Variants in CALN1 observed in about 807,000 individuals in gnomAD.
CALN1 encodes calcium-binding protein 8.
A neutral mutation model predicts 30.6 loss-of-function variants in CALN1; 17 were observed. That is an observed-to-expected ratio of 0.56 (90% confidence interval 0.38 to 0.83). CALN1 has a LOEUF of 0.83. Ranked by LOEUF, CALN1 falls within the 40% of genes least tolerant of loss-of-function variation. The probability of loss-of-function intolerance (pLI) is 0.00; values close to 1 mark genes in which losing one functional copy is unlikely to be tolerated. For synonymous variants in CALN1, 156 were observed against 131.4 expected (o/e 1.19, Z -1.28); for missense variants, 291 against 354.9 (o/e 0.82, Z 1.45).
intron 2 of CALN1, among the ~76,000 whole-genome samples, chr7:72,293,173 G>C (rs1269961475): frequency 6.6e-6 from 1 of 152,220 alleles, no homozygotes; most frequent in East Asian, 1.9e-4. Flanking sequence ...CTACTAAGTT[G>C]TTGGAAGGGT....
intron 2 of CALN1, among the ~76,000 whole-genome samples, chr7:72,319,735 C>G (rs1455072865): frequency 6.6e-6 from 1 of 152,070 alleles, no homozygotes; most frequent in Admixed American, 6.5e-5. Context: ...AGAGGTAAAT[C>G]TGTGGTGAGG....
chr7:72,423,546 G>C (rs1168266504), intron 1 of CALN1, among the ~76,000 whole-genome samples: 1 of 152,182 alleles, frequency 6.6e-6, no homozygotes, highest in Non-Finnish European at 1.5e-5. Flanking sequence ...GGACACAGCA[G>C]TAATAATAAC....
At chr7:72,299,758 C>T (rs1176771127) in intron 2 of CALN1, among the ~76,000 whole-genome samples, 1 of 143,372 alleles carries the variant, frequency 7.0e-6, no homozygotes, top group Non-Finnish European at 1.5e-5. Flanking sequence ...TGGTTTCAAA[C>T]TCCTGGGTTC....
intron 2 of CALN1, among the ~76,000 whole-genome samples, chr7:72,387,992 ATGT>A (rs1805343847): frequency 6.6e-6 from 1 of 152,090 alleles, no homozygotes; most frequent in Non-Finnish European, 1.5e-5. Flanking sequence ...TAACAATAAC[ATGT>A]TGTATATTTC....
At chr7:72,055,552 C>T (rs1377265763) in intron 4 of CALN1, among the ~76,000 whole-genome samples, 1 of 151,968 alleles carries the variant, frequency 6.6e-6, no homozygotes, top group African/African-American at 2.4e-5. Context: ...GAATAATTAA[C>T]AAATCTAACC....
At chr7:72,329,956 AAAAT>A (rs1044286895) in intron 2 of CALN1, among the ~76,000 whole-genome samples, 4 of 152,016 alleles carry the variant, frequency 2.6e-5, no homozygotes, top group Admixed American at 6.5e-5. Flanking sequence ...TCCGTCTCAA[AAAAT>A]AAATAAATAT....
At chr7:71,947,228 C>A (rs1328716038) in intron 5 of CALN1, among the ~76,000 whole-genome samples, 3 of 152,178 alleles carry the variant, frequency 2.0e-5, no homozygotes, top group Non-Finnish European at 4.4e-5. Flanking sequence ...CCAGGCTGGT[C>A]TCAAACTCCT....
intron 3 of CALN1, among the ~76,000 whole-genome samples, chr7:72,189,694 G>T (rs1320917232): frequency 6.6e-6 from 1 of 151,226 alleles, no homozygotes; most frequent in Admixed American, 6.6e-5. Flanking sequence ...CTTGAATCCA[G>T]GAGGCAGAGG....
At chr7:72,169,410 C>T (rs1273900573) in intron 3 of CALN1, among the ~76,000 whole-genome samples, 1 of 151,916 alleles carries the variant, frequency 6.6e-6, no homozygotes, top group African/African-American at 2.4e-5. Context: ...GCCTCGAGCT[C>T]CTGGGGTCAA....
intron 3 of CALN1, among the ~76,000 whole-genome samples, chr7:72,257,326 T>C (rs533150): frequency 0.011 from 1,635 of 152,256 alleles, 27 homozygotes; most frequent in African/African-American, 0.037. Flanking sequence ...CCAAACCATA[T>C]CACCCCATTT....
chr7:72,356,621 T>C (rs908865986), intron 2 of CALN1, among the ~76,000 whole-genome samples: 2 of 151,896 alleles, frequency 1.3e-5, no homozygotes, highest in African/African-American at 4.9e-5. Flanking sequence ...ATTTCAAAAA[T>C]TGGATACACC....
At chr7:72,230,454 G>T (rs1794015334) in intron 3 of CALN1, among the ~76,000 whole-genome samples, 1 of 151,062 alleles carries the variant, frequency 6.6e-6, no homozygotes, top group Admixed American at 6.6e-5. Flanking sequence ...GCTGCAGTGA[G>T]TCATGATCAC....
chr7:71,967,639 A>AAAAAAAAAAAAAAAAAAG (rs555970609), intron 5 of CALN1, among the ~76,000 whole-genome samples: 1 of 142,654 alleles, frequency 7.0e-6, no homozygotes, highest in African/African-American at 2.7e-5. Flanking sequence ...AAAAAAAAAA[A>AAAAAAAAAAAAAAAAAAG]AAAGAAAGAA....
At chr7:71,985,584 CT>C (rs962922789) in intron 5 of CALN1, among the ~76,000 whole-genome samples, 3,533 of 96,360 alleles carry the variant, frequency 0.037, 73 homozygotes, top group African/African-American at 0.12. Context: ...AGGTAGTTTT[CT>C]TTTTTTTTTT....
chr7:72,409,090 G>C (rs1157364965), intron 1 of CALN1, among the ~76,000 whole-genome samples: 1 of 151,866 alleles, frequency 6.6e-6, no homozygotes, highest in Admixed American at 6.6e-5. Context: ...CCGCCTCCCG[G>C]ATTCAAGAGA....
intron 3 of CALN1, among the ~76,000 whole-genome samples, chr7:72,203,979 C>CTATTTTTTTTTTTTTTTTTTTT (rs59798860): frequency 1.2e-5 from 1 of 83,778 alleles, no homozygotes; most frequent in African/African-American, 5.2e-5. Context: ...AGGCCTCTCT[C>CTATTTTTTTTTTTTTTTTTTTT]TTTTTTTTTT....
chr7:72,295,782 C>G (rs1451835844), intron 2 of CALN1, among the ~76,000 whole-genome samples: 1 of 151,560 alleles, frequency 6.6e-6, no homozygotes, highest in African/African-American at 2.4e-5. Flanking sequence ...ATGGGGTTTT[C>G]TAGATATACA....
chr7:72,237,628 C>G (rs1256970533), intron 3 of CALN1, among the ~76,000 whole-genome samples: 1 of 152,194 alleles, frequency 6.6e-6, no homozygotes. Context: ...TTTTAAGGTT[C>G]TTGGGGCTGA....
At chr7:71,882,893 T>TG (rs61665803) in intron 5 of CALN1, among the ~76,000 whole-genome samples, 92 of 150,022 alleles carry the variant, frequency 6.1e-4, no homozygotes, top group African/African-American at 1.8e-3. Flanking sequence ...TGTGTGTGTG[T>TG]TTGTAAAGAC....
Sources: allele counts gnomAD v4.1 joint callset (sites outside exome capture counted in the v4.1 genomes callset), GRCh38; gene constraint gnomAD v4.1.1; transcripts MANE v1.5; gene names NCBI Gene and HGNC (gene_info 2026-07-23, HGNC 2026-07-21).